Variants in WWC1 observed in about 807,000 individuals in gnomAD.
WWC1 encodes the protein protein KIBRA.
WWC1 carries 55 observed loss-of-function variants against 138.4 expected under a neutral mutation model. The observed-to-expected ratio is 0.40, with a 90% CI of 0.32 to 0.50. WWC1 has a LOEUF of 0.50. Ranked by LOEUF, WWC1 falls within the 20% of genes least tolerant of loss-of-function variation. WWC1 has a pLI of 0.72. For synonymous variants in WWC1, 524 were observed against 564.9 expected, an observed-to-expected ratio of 0.93 and a Z score of 1.03; for missense variants, 1,226 against 1,420.4, an observed-to-expected ratio of 0.86 and a Z score of 2.20.
chr5:168,465,532 T>C (rs1757196038), intron 21 of WWC1, among the ~76,000 whole-genome samples: 1 of 144,184 alleles, frequency 6.9e-6, no homozygotes, highest in Non-Finnish European at 1.5e-5. Context: ...GCACACAAAG[T>C]TTTATATCAG....
chr5:168,371,555 C>A, intron 2 of WWC1, 22 bp downstream of exon 2: 1 of 1,575,220 alleles, frequency 6.3e-7, no homozygotes, highest in Non-Finnish European at 8.7e-7. Context: ...ACGGTCCTCC[C>A]TTCCCTGTGC....
At chr5:168,330,430 T>C (rs1772930922) in intron 1 of WWC1, among the ~76,000 whole-genome samples, 1 of 152,196 alleles carries the variant, frequency 6.6e-6, no homozygotes, top group African/African-American at 2.4e-5. Context: ...TTTCTTCTTA[T>C]CAATAAAATG....
chr5:168,314,714 G>A (rs138545841), intron 1 of WWC1, among the ~76,000 whole-genome samples: 3 of 152,192 alleles, frequency 2.0e-5, no homozygotes, highest in Non-Finnish European at 4.4e-5. Context: ...GAGCAGTCCT[G>A]GGAAGCCAGA....
Position 168,385,319 on chromosome 5 carries a change from T to A in WWC1, c.338T>A (p.Ile113Asn), listed in dbSNP as rs781748133. The A allele has an allele frequency of 6.2e-7, 1 of 1,614,022 alleles. No individual in the cohort carries two copies. Among genetic ancestry groups the A allele is most frequent in the East Asian group, 2.2e-5 (1 of 44,860 alleles). ...GAGGCTCTGAGTGCACAAAAGGAGA[T>A]CTACCAGGTGAAGCAGCAGCGCCTG... is the stretch of plus-strand genomic sequence containing the variant. ...AQEALSAQKE[I>N]YQVKQQRLEL... Residue 113 changes from isoleucine to asparagine, a missense_variant, in exon 3 of 23, where the codon ATC (isoleucine) becomes AAC (asparagine). Ile to Asn is a moderately radical substitution (Grantham distance 149). Transcript: ENST00000265293.
chr5:168,359,673 G>C (rs28702565), intron 1 of WWC1, among the ~76,000 whole-genome samples: 88,441 of 151,994 alleles, frequency 0.58, 26,103 homozygotes, highest in Non-Finnish European at 0.65. Flanking sequence ...ATTTTTCAAG[G>C]TTAGTTTTTT....
At chr5:168,371,583 C>T in intron 2 of WWC1, 50 bp downstream of exon 2, 1 of 1,351,210 alleles carries the variant, frequency 7.4e-7, no homozygotes, top group South Asian at 1.2e-5. Flanking sequence ...ATCCCTCCAC[C>T]TCCAAGCCCA....
chr5:168,330,551 C>T (rs564218614), intron 1 of WWC1, among the ~76,000 whole-genome samples: 12 of 152,272 alleles, frequency 7.9e-5, no homozygotes, highest in African/African-American at 2.9e-4. Flanking sequence ...TATGCACCCA[C>T]CATGTATGCA....
chr5:168,317,209 C>G (rs575449699), intron 1 of WWC1, among the ~76,000 whole-genome samples: 1 of 152,270 alleles, frequency 6.6e-6, no homozygotes, highest in East Asian at 1.9e-4. Context: ...ACTTCGCAGC[C>G]AAGTGCCTGC....
At chr5:168,446,740 C>G (rs1755308210) in intron 17 of WWC1, among the ~76,000 whole-genome samples, 1 of 152,156 alleles carries the variant, frequency 6.6e-6, no homozygotes, top group African/African-American at 2.4e-5. Context: ...CTGAAAGAGA[C>G]TCAAGGGAAA....
intron 1 of WWC1, among the ~76,000 whole-genome samples, chr5:168,363,655 C>G (rs771723196): frequency 8.6e-5 from 13 of 151,896 alleles, no homozygotes; most frequent in Non-Finnish European, 2.9e-5. Context: ...GTTTCCCCAT[C>G]ATGAAAATCG....
chr5:168,375,633 T>G (rs1330798402), intron 2 of WWC1, among the ~76,000 whole-genome samples: 2 of 152,180 alleles, frequency 1.3e-5, no homozygotes, highest in Admixed American at 6.6e-5. Flanking sequence ...TGGAGTACAG[T>G]GGCAGATCTT....
chr5:168,440,040 C>T (rs148003485), intron 15 of WWC1, among the ~76,000 whole-genome samples: 88 of 152,196 alleles, frequency 5.8e-4, no homozygotes, highest in African/African-American at 1.9e-3. Flanking sequence ...AGGTGGGGAC[C>T]ATCATTATCC....
intron 17 of WWC1, among the ~76,000 whole-genome samples, chr5:168,450,108 T>C (rs1755665020): frequency 1.3e-5 from 2 of 152,220 alleles, no homozygotes; most frequent in Admixed American, 1.3e-4. Flanking sequence ...TGGCTAGGAT[T>C]CTTTTGGCTC....
rs537253889 is a variant in WWC1, at chr5:168,299,560, G to A, written c.119+7289G>A. Among the ~76,000 whole-genome samples the A allele has an allele frequency of 3.9e-5, 6 of 152,292 alleles. No individual in the cohort carries two copies. In the East Asian group the frequency reaches 1.2e-3, roughly 29 times the overall value. On this transcript the variant is annotated intron_variant, in intron 1 of 22. Transcript: ENST00000265293. ...AGCCAGGGAATGAGTAGCCAAGGCC[G>A]TTCCTCTCTGTCGCCATCCCTCCCC...
At chr5:168,366,802 CTT>C (rs202012790) in intron 1 of WWC1, among the ~76,000 whole-genome samples, 2,248 of 100,280 alleles carry the variant, frequency 0.022, 21 homozygotes, top group African/African-American at 0.088. Flanking sequence ...CTTTGAAACA[CTT>C]TTTTTTTTTT....
intron 1 of WWC1, among the ~76,000 whole-genome samples, chr5:168,306,282 G>A (rs1770557814): frequency 6.6e-6 from 1 of 152,164 alleles, no homozygotes; most frequent in African/African-American, 2.4e-5. Context: ...TGTAATACCA[G>A]CTACTCGGGA....
At chr5:168,422,671 G>A (rs1432955451) in intron 10 of WWC1, among the ~76,000 whole-genome samples, 1 of 152,112 alleles carries the variant, frequency 6.6e-6, no homozygotes, top group Non-Finnish European at 1.5e-5. Context: ...GCACAACACA[G>A]AGAATGTAGC....
chr5:168,436,358 T>C (rs528082862), intron 15 of WWC1, among the ~76,000 whole-genome samples: 1 of 152,246 alleles, frequency 6.6e-6, no homozygotes, highest in East Asian at 1.9e-4. Flanking sequence ...CATGTTGGTC[T>C]CCTTTGCTGA....
At chr5:168,340,129 G>A (rs1773925184) in intron 1 of WWC1, among the ~76,000 whole-genome samples, 1 of 150,804 alleles carries the variant, frequency 6.6e-6, no homozygotes, top group African/African-American at 2.5e-5. Context: ...AGGCTGGAGT[G>A]CAATGGTGGA....
Sources: gnomAD v4.1 joint callset for allele counts (sites outside exome capture counted in the v4.1 genomes callset) on GRCh38, gnomAD v4.1.1 for gene constraint, MANE v1.5 for transcripts, NCBI Gene and HGNC (gene_info 2026-07-23, HGNC 2026-07-21) for gene names.